The following TTC34 variants were observed in gnomAD, a reference collection of about 807,000 sequenced individuals.
The protein encoded by TTC34 is tetratricopeptide repeat domain 34.
In TTC34, 44 loss-of-function variants were observed where a neutral mutation model predicts 40.7. That is an observed-to-expected ratio of 1.08 (90% CI 0.85 to 1.39). The LOEUF is 1.39. Ranked by LOEUF, TTC34 falls within the 40% of genes most tolerant of loss-of-function variation. The probability of loss-of-function intolerance (pLI) is 0.00; values close to 1 mark genes in which losing one functional copy is unlikely to be tolerated. For missense variants in TTC34, 884 were observed against 838.0 expected, an observed-to-expected ratio of 1.05 and a Z score of -0.68; for synonymous variants, 422 against 398.6, an observed-to-expected ratio of 1.06 and a Z score of -0.70.
rs774561401 is a variant in TTC34 at position 2,641,795 on chromosome 1, C to A, written c.2813G>T (p.Cys938Phe). ...GCAGGTGGCCCGCAGACGCAGGTGA[C>A]AGGCACTGCTGCCACTGGCCAGGAC... The change falls in exon 9 of 9, where the codon TGT becomes TTT. Residue 938 changes from cysteine to phenylalanine, a missense_variant. Physicochemically the swap from Cys to Phe is radical, Grantham distance 205. Coordinates refer to ENST00000401095, the Ensembl canonical transcript of TTC34. 7.9e-5 allele frequency: 122 copies of A among 1,535,110 alleles called. No homozygotes were observed. The highest frequency in any genetic ancestry group is 5.0e-4 in the Middle Eastern group (3 of 5,954).
intron 6 of TTC34, among the ~76,000 whole-genome samples, chr1:2,700,118 G>A (rs975449426): frequency 8.3e-6 from 1 of 120,266 alleles, no homozygotes; most frequent in African/African-American, 2.7e-5. Flanking sequence ...CGAGAGCCTG[G>A]AGCAGCATCC....
intron 3 of TTC34, among the ~76,000 whole-genome samples, 172 bp from the exon 4 acceptor site, chr1:2,787,878 G>T (rs1643612563): frequency 6.6e-6 from 1 of 152,226 alleles, no homozygotes; most frequent in Non-Finnish European, 1.5e-5. Context: ...TTCCTAGCAT[G>T]CGGCCCTCAC....
intron 6 of TTC34, among the ~76,000 whole-genome samples, chr1:2,657,429 G>T (rs1250488470): frequency 1.1e-5 from 1 of 88,278 alleles, no homozygotes; most frequent in Non-Finnish European, 2.9e-5. Flanking sequence ...ACCCCCAGGC[G>T]AGCATCTGAA....
chr1:2,690,407 G>A lies in TTC34; in HGVS notation c.2227-44844C>T, dbSNP rs1364765523. Among the ~76,000 whole-genome samples, 2 of 148,188 alleles carry A rather than the reference G, an allele frequency of 1.3e-5. 1 individual carries two copies. Among genetic ancestry groups the A allele is most frequent in the Non-Finnish European group, 3.0e-5 (2 of 66,568 alleles). ...CCAGGCGAGCATCTGACCCAACGGA[G>A]CAGAACCCAGAACCCCAGGCGAGCA... On this transcript the variant is annotated intron_variant, in intron 6 of 8. Coordinates refer to ENST00000401095, the Ensembl canonical transcript of TTC34.
intron 3 of TTC34, among the ~76,000 whole-genome samples, chr1:2,788,979 G>A (rs578200778): frequency 1.6e-4 from 25 of 152,154 alleles, no homozygotes; most frequent in Non-Finnish European, 2.6e-4. Context: ...TTGGGACGCT[G>A]AGGCAGAAGA....
chr1:2,643,062 T>C (rs1410693252), intron 8 of TTC34, among the ~76,000 whole-genome samples: 1 of 152,044 alleles, frequency 6.6e-6, no homozygotes, highest in Non-Finnish European at 1.5e-5. Flanking sequence ...GACCCGCACA[T>C]TTGGGCCGGG....
chr1:2,750,116 A>G (rs1641266650), intron 6 of TTC34, among the ~76,000 whole-genome samples: 1 of 143,788 alleles, frequency 7.0e-6, no homozygotes, highest in Non-Finnish European at 1.5e-5. Flanking sequence ...CTGGAACAGC[A>G]CCCACACACC....
intron 6 of TTC34, among the ~76,000 whole-genome samples, chr1:2,654,698 G>C (rs144880528): frequency 3.3e-3 from 165 of 49,622 alleles, no homozygotes; most frequent in Middle Eastern, 0.04. Flanking sequence ...CTCACCTCCA[G>C]GTGAGCATCG....
At chr1:2,660,811 A>G (rs1441919659) in intron 6 of TTC34, among the ~76,000 whole-genome samples, 6 of 95,516 alleles carry the variant, frequency 6.3e-5, no homozygotes, top group East Asian at 3.4e-4. Context: ...AGCATCTGAC[A>G]GCCTGGAACA....
intron 6 of TTC34, among the ~76,000 whole-genome samples, chr1:2,683,205 C>G (rs180808468): frequency 9.3e-6 from 1 of 107,354 alleles, no homozygotes; most frequent in Non-Finnish European, 2.1e-5. Flanking sequence ...AGGCGAGCAT[C>G]TGAGAGCCTG....
exon 9 of TTC34, chr1:2,640,929 G>A (rs1221409199): frequency 6.5e-6 from 1 of 153,222 alleles, no homozygotes; most frequent in Admixed American, 6.7e-5. Context: ...CTTCATGCAA[G>A]TAGGAAGCTG....
rs370957513 is a variant in TTC34, at chr1:2,646,418, T to A, written c.2227-855A>T. On this transcript the variant is annotated intron_variant, in intron 6 of 8. Coordinates refer to ENST00000401095, the Ensembl canonical transcript of TTC34. ...TATATATTTTGAGACAGGGTCTCTG[T>A]CTGTTGCCCAGGCTGGAGTGCAGTG... is the stretch of plus-strand genomic sequence containing the variant. 3.1e-4 allele frequency among the ~76,000 whole-genome samples: 47 copies of A among 152,334 alleles called. No individual in the cohort carries two copies. The South Asian group carries it at 9.5e-3, about 31-fold the overall frequency.
chr1:2,757,947 GCA>G (rs1641561603), intron 6 of TTC34, among the ~76,000 whole-genome samples: 1 of 48,688 alleles, frequency 2.1e-5, no homozygotes. Context: ...GGAACAGCGC[GCA>G]CACCCCCAGG....
intron 6 of TTC34, among the ~76,000 whole-genome samples, chr1:2,648,110 G>A (rs1029850406): frequency 1.3e-5 from 2 of 151,930 alleles, no homozygotes; most frequent in East Asian, 3.9e-4. Context: ...AAGCCCCTGT[G>A]TGTAAATTCC....
chr1:2,784,400 G>A (rs10909963), intron 5 of TTC34, among the ~76,000 whole-genome samples: 17 of 152,318 alleles, frequency 1.1e-4, no homozygotes, highest in African/African-American at 3.6e-4. Context: ...CGTGACCATT[G>A]AAGCACCACA....
chr1:2,652,407 C>G (rs1358772306), intron 6 of TTC34, among the ~76,000 whole-genome samples: 6 of 152,052 alleles, frequency 3.9e-5, no homozygotes, highest in African/African-American at 1.4e-4. Flanking sequence ...CACGCACACC[C>G]CCAGTGAGCA....
At position 2,691,759 on chromosome 1, in the gene TTC34, T is replaced by G. The variant is rs201578462; in HGVS notation, c.2227-46196A>C. Among the ~76,000 whole-genome samples the G allele has an allele frequency of 1.3e-3, 110 of 86,530 alleles. 20 individuals are homozygous for G. In the East Asian group the frequency reaches 0.018, roughly 14 times the overall value. 56.8% of individuals were successfully genotyped at this position (86,530 alleles called of 152,430 possible). A position where few individuals can be genotyped will look rare whatever the true frequency, so the allele number is the denominator to read the frequency against. ...GCACCCACATTCCCAGGCAAGCATC[T>G]GAACGCAAATAGCAGCACCCACACC... is the stretch of plus-strand genomic sequence containing the variant. On this transcript the variant is annotated intron_variant, in intron 6 of 8. Coordinates refer to ENST00000401095, the Ensembl canonical transcript of TTC34.
chr1:2,686,632 G>T (rs1006427583), intron 6 of TTC34, among the ~76,000 whole-genome samples: 1 of 149,652 alleles, frequency 6.7e-6, no homozygotes, highest in Non-Finnish European at 1.5e-5. Context: ...GCATGTAACA[G>T]CACCCACACA....
At chr1:2,789,803 T>G in exon 3 of TTC34, 2 of 476,302 alleles carry the variant, frequency 4.2e-6, no homozygotes, top group Non-Finnish European at 7.2e-6. Context: ...CGCCCCCTGC[T>G]CCACTACCGT....
Sources: gnomAD v4.1 joint callset for allele counts (sites outside exome capture counted in the v4.1 genomes callset) on GRCh38, gnomAD v4.1.1 for gene constraint, MANE v1.5 for transcripts, NCBI Gene and HGNC (gene_info 2026-07-23, HGNC 2026-07-21) for gene names.